MRPS27: variants seen among roughly 807,000 people sequenced by gnomAD.
MRPS27 encodes small ribosomal subunit protein mS27.
A neutral mutation model predicts 48.9 loss-of-function variants in MRPS27; 43 were observed. The observed-to-expected ratio is 0.88, with a 90% confidence interval of 0.69 to 1.13. The LOEUF (loss-of-function observed/expected upper bound fraction) is 1.13. Ranked by LOEUF, MRPS27 falls within the 50% of genes most tolerant of loss-of-function variation. The pLI, the probability that MRPS27 is intolerant of heterozygous loss-of-function variation, is 0.00. For synonymous variants in MRPS27, 188 were observed against 171.9 expected (o/e 1.09, Z -0.73); for missense variants, 467 against 476.3 (o/e 0.98, Z 0.18).
intron 3 of MRPS27, 43 bp downstream of exon 3, chr5:72,297,589 T>C: frequency 7.6e-7 from 1 of 1,312,808 alleles, no homozygotes; most frequent in Non-Finnish European, 1.1e-6. Context: ...TTTCTGGCTT[T>C]CTTCCTTGTT....
At chr5:72,243,262 A>AGAAC (rs1748410629) in intron 4 of MRPS27, among the ~76,000 whole-genome samples, 2 of 152,252 alleles carry the variant, frequency 1.3e-5, no homozygotes, top group Non-Finnish European at 2.9e-5. Flanking sequence ...TCCTTGAACT[A>AGAAC]GAACCAAAGA....
intron 4 of MRPS27, among the ~76,000 whole-genome samples, chr5:72,250,326 G>C (rs1374969533): frequency 6.6e-6 from 1 of 152,160 alleles, no homozygotes; most frequent in Admixed American, 6.5e-5. Flanking sequence ...TTACTACTTA[G>C]GGATATGTTC....
intron 4 of MRPS27, among the ~76,000 whole-genome samples, chr5:72,266,055 G>A (rs1296499498): frequency 6.6e-6 from 1 of 152,078 alleles, no homozygotes; most frequent in East Asian, 1.9e-4. Flanking sequence ...TCATAGGACA[G>A]AGGAGGGGAA....
intron 2 of MRPS27, among the ~76,000 whole-genome samples, chr5:72,310,999 AT>A (rs1750429789): frequency 6.6e-6 from 1 of 152,234 alleles, no homozygotes; most frequent in African/African-American, 2.4e-5. Flanking sequence ...GGAATATTCT[AT>A]TTAAAAAAAG....
chr5:72,317,386 G>A (rs995365120), intron 1 of MRPS27, among the ~76,000 whole-genome samples: 18 of 152,030 alleles, frequency 1.2e-4, no homozygotes, highest in Middle Eastern at 3.4e-3. Flanking sequence ...TTATTTTTTC[G>A]TTTTGGAAAT....
At chr5:72,253,404 TA>T (rs1748718718) in intron 4 of MRPS27, among the ~76,000 whole-genome samples, 1 of 152,210 alleles carries the variant, frequency 6.6e-6, no homozygotes, top group Non-Finnish European at 1.5e-5. Context: ...TATAATCATC[TA>T]AAAGTAATGA....
At chr5:72,246,534 A>G (rs891088261) in intron 4 of MRPS27, among the ~76,000 whole-genome samples, 6 of 152,250 alleles carry the variant, frequency 3.9e-5, no homozygotes, top group East Asian at 1.9e-4. Flanking sequence ...CAGGAATTCA[A>G]TAAAAAAACA....
chr5:72,241,524 T>C, intron 4 of MRPS27: 6 of 953,322 alleles, frequency 6.3e-6, no homozygotes, highest in Non-Finnish European at 9.4e-6. Context: ...CAATTTTGGA[T>C]GGCAAGTTTG....
intron 2 of MRPS27, among the ~76,000 whole-genome samples, chr5:72,310,914 G>A (rs769042215): frequency 6.6e-6 from 1 of 152,132 alleles, no homozygotes; most frequent in Non-Finnish European, 1.5e-5. Flanking sequence ...ACCCTGGCAG[G>A]GGCACAACAT....
chr5:72,243,431 T>C (rs931051533), intron 4 of MRPS27, among the ~76,000 whole-genome samples: 1 of 152,136 alleles, frequency 6.6e-6, no homozygotes, highest in Non-Finnish European at 1.5e-5. Flanking sequence ...ACAAATAAAA[T>C]CAAATTTTGA....
In MRPS27 at chr5:72,295,577, T is replaced by C. The variant is rs1392515316; in HGVS notation, c.235A>G (p.Ile79Val). ...SLTISRLIDNISSREEIDHAE... is the reference protein window; with the variant it reads ...SLTISRLIDNVSSREEIDHAE... ...TGATCTATCTCTTCCCGAGAGGAAA[T>C]GTTGTCTATAAGCTAAAAGACAGAA... Residue 79 changes from isoleucine (I) to valine (V), a missense_variant, in exon 4 of 11, where the codon ATT (isoleucine) becomes GTT (valine). Physicochemically the swap from Ile to Val is conservative, Grantham distance 29. Transcript: ENST00000261413. The C allele has an allele frequency of 6.2e-7, 1 of 1,610,128 alleles. No individual in the cohort carries two copies. The highest frequency in any genetic ancestry group is 8.5e-7 in the Non-Finnish European group (1 of 1,176,628).
chr5:72,267,723 T>C (rs1749138755), intron 4 of MRPS27, among the ~76,000 whole-genome samples: 1 of 151,866 alleles, frequency 6.6e-6, no homozygotes, highest in Non-Finnish European at 1.5e-5. Context: ...TTGTCCAAAG[T>C]AAAAAATGCC....
intron 2 of MRPS27, among the ~76,000 whole-genome samples, chr5:72,303,633 A>G (rs534479801): frequency 3.1e-4 from 47 of 152,304 alleles, no homozygotes; most frequent in African/African-American, 1.1e-3. Flanking sequence ...AGAAACAACT[A>G]TACTAACAGG....
rs150418050 is a variant in MRPS27 at position 72,278,830 on chromosome 5, CTT to C, written c.281+16699_281+16700del. On this transcript the variant is annotated intron_variant, in intron 4 of 10. Transcript: ENST00000261413. ...CATCTATAGATAGCTTTGGCTTATTCTTTCTCACTGTTGTATGGTATTCCATT... is the reference window on the plus strand; with the variant it reads ...CATCTATAGATAGCTTTGGCTTATTCTCTCACTGTTGTATGGTATTCCATT... Among the ~76,000 whole-genome samples, 30 of 152,052 alleles carry C rather than the reference CTT, an allele frequency of 2.0e-4. No individual in the cohort carries two copies. In the East Asian group the frequency reaches 5.0e-3, roughly 25 times the overall value.
In MRPS27 at chr5:72,244,648, C is replaced by T. The variant is rs116396812; in HGVS notation, c.282-6520G>A. 6.5e-3 allele frequency among the ~76,000 whole-genome samples: 996 copies of T among 152,110 alleles called. 9 individuals are homozygous for T. The highest frequency in any genetic ancestry group is 0.023 in the African/African-American group (960 of 41,440). ...CAGGCATGGTGATCTATATTCTTTA[C>T]CCACTGATCTACTAATTTCCTTTAA... is the stretch of plus-strand genomic sequence containing the variant. On this transcript the variant is annotated intron_variant, in intron 4 of 10. Transcript: ENST00000261413.
intron 4 of MRPS27, among the ~76,000 whole-genome samples, chr5:72,274,680 C>T (rs765050044): frequency 6.6e-6 from 1 of 152,078 alleles, no homozygotes; most frequent in Non-Finnish European, 1.5e-5. Flanking sequence ...ATGTACTGTA[C>T]GTAATTGTTT....
At position 72,295,606 on chromosome 5, in the gene MRPS27, G is replaced by T. The variant is rs201138867; in HGVS notation, c.223-17C>A. The T allele has an allele frequency of 1.3e-5, 20 of 1,589,064 alleles. No individual in the cohort carries two copies. Among genetic ancestry groups the T allele is most frequent in the Non-Finnish European group, 1.7e-5 (20 of 1,158,272 alleles). On this transcript the variant is annotated splice_polypyrimidine_tract_variant and intron_variant, in intron 3 of 10. Coordinates refer to ENST00000261413, the MANE Select transcript of MRPS27 (RefSeq NM_015084.3). The stretch of plus-strand genomic sequence containing the variant: ...GTCTATAAGCTAAAAGACAGAAAAA[G>T]AAACCTTTGGTTGAATATAAATTAT...
At chr5:72,228,458 T>C in intron 7 of MRPS27, 90 bp from the exon 8 acceptor site, 1 of 800,546 alleles carries the variant, frequency 1.2e-6, no homozygotes, top group Non-Finnish European at 2.0e-6. Flanking sequence ...GAAAAGAACA[T>C]GTTATAGCAT....
At chr5:72,269,438 G>C (rs966445999) in intron 4 of MRPS27, among the ~76,000 whole-genome samples, 10 of 152,210 alleles carry the variant, frequency 6.6e-5, no homozygotes, top group African/African-American at 2.4e-4. Context: ...AACATAGTTT[G>C]AGAAAGGAGG....
Sources: allele counts gnomAD v4.1 joint callset (sites outside exome capture counted in the v4.1 genomes callset), GRCh38; gene constraint gnomAD v4.1.1; transcripts MANE v1.5; gene names NCBI Gene and HGNC (gene_info 2026-07-23, HGNC 2026-07-21).